Variants in ZNF423 observed in about 807,000 individuals in gnomAD.
ZNF423 encodes zinc finger protein 423, also known as Ebf-associated zinc finger protein.
In ZNF423, 12 loss-of-function variants were observed where a neutral mutation model predicts 95.8. The observed-to-expected ratio is 0.13, with a 90% CI of 0.08 to 0.20. The LOEUF is 0.20. Ranked by LOEUF, ZNF423 falls within the 10% of genes least tolerant of loss-of-function variation. The pLI, the probability that ZNF423 is intolerant of heterozygous loss-of-function variation, is 1.00. For synonymous variants in ZNF423, 749 were observed against 711.9 expected (o/e 1.05, Z -0.83); for missense variants, 1,316 against 1,737.1 (o/e 0.76, Z 4.31).
intron 7 of ZNF423, among the ~76,000 whole-genome samples, chr16:49,502,814 C>CACAA (rs1368999493): frequency 6.7e-6 from 1 of 148,736 alleles, no homozygotes; most frequent in African/African-American, 2.5e-5. Context: ...CACACACACA[C>CACAA]ACACCTGCCC....
intron 3 of ZNF423, among the ~76,000 whole-genome samples, chr16:49,662,754 C>T (rs1193929331): frequency 1.3e-5 from 2 of 152,210 alleles, no homozygotes; most frequent in East Asian, 1.9e-4. Flanking sequence ...GCAAACAAGG[C>T]AGCAGGCCAA....
chr16:49,759,454 A>G (rs1019656428), intron 2 of ZNF423, among the ~76,000 whole-genome samples: 10 of 152,162 alleles, frequency 6.6e-5, no homozygotes, highest in African/African-American at 2.4e-4. Context: ...ATGCAACCCA[A>G]GAGCCAGCGA....
chr16:49,688,941 C>T (rs753994537), intron 3 of ZNF423, among the ~76,000 whole-genome samples: 50 of 152,278 alleles, frequency 3.3e-4, no homozygotes, highest in Admixed American at 1.9e-3. Flanking sequence ...CAGATACTAG[C>T]AAGAGCCTAG....
chr16:49,679,622 G>A lies in ZNF423; in HGVS notation c.302-40748C>T, dbSNP rs992290363. Among the ~76,000 whole-genome samples the A allele has an allele frequency of 5.3e-5, 8 of 152,380 alleles. No homozygotes were observed. In the East Asian group the frequency reaches 1.3e-3, roughly 26 times the overall value. On this transcript the variant is annotated intron_variant, in intron 3 of 7. Transcript: ENST00000563137. ...ATGAGCATGGGAGGGACACCAAGAG[G>A]GAGCTAAGGGTGGCTCAGCGTGGGC...
chr16:49,835,045 T>C (rs535984004), intron 1 of ZNF423, among the ~76,000 whole-genome samples: 3 of 152,022 alleles, frequency 2.0e-5, no homozygotes, highest in East Asian at 3.9e-4. Context: ...AGTCTCAGAA[T>C]CACCTCCGGA....
chr16:49,578,304 C>A (rs779254314), intron 5 of ZNF423, among the ~76,000 whole-genome samples: 26 of 152,244 alleles, frequency 1.7e-4, no homozygotes, highest in Non-Finnish European at 3.2e-4. Flanking sequence ...ATCCCAGCCC[C>A]CTGGCTCCAG....
intron 3 of ZNF423, among the ~76,000 whole-genome samples, chr16:49,693,388 C>G (rs79396276): frequency 6.6e-6 from 1 of 152,182 alleles, no homozygotes; most frequent in East Asian, 1.9e-4. Context: ...AGGATGCATA[C>G]GTGGGATTAG....
chr16:49,732,000 C>T (rs1275581044), intron 2 of ZNF423, among the ~76,000 whole-genome samples: 1 of 152,160 alleles, frequency 6.6e-6, no homozygotes. Context: ...GTGCTGTGTT[C>T]CGTGCTTCTT....
At chr16:49,705,723 T>C (rs2032327019) in intron 3 of ZNF423, among the ~76,000 whole-genome samples, 1 of 152,130 alleles carries the variant, frequency 6.6e-6, no homozygotes, top group Non-Finnish European at 1.5e-5. Context: ...AATCTTTGTC[T>C]TTTTAGTAGA....
At chr16:49,807,170 G>A (rs2034677610) in intron 1 of ZNF423, among the ~76,000 whole-genome samples, 1 of 152,056 alleles carries the variant, frequency 6.6e-6, no homozygotes, top group South Asian at 2.1e-4. Flanking sequence ...GGTGGCTCAC[G>A]CCTGTAATTC....
chr16:49,623,280 C>A (rs532834283), intron 5 of ZNF423, among the ~76,000 whole-genome samples: 1 of 152,206 alleles, frequency 6.6e-6, no homozygotes, highest in Non-Finnish European at 1.5e-5. Context: ...CCAGCCAAGG[C>A]GCCTTCCCTC....
chr16:49,636,831 A>G lies in ZNF423; in HGVS notation c.2345T>C (p.Leu782Pro). 6.2e-7 allele frequency: 1 copy of G among 1,614,064 alleles called. No homozygotes were observed. The highest frequency in any genetic ancestry group is 8.5e-7 in the Non-Finnish European group (1 of 1,180,022). Residue 782 changes from leucine (L) to proline (P), a missense_variant, in exon 4 of 8, where the codon CTG becomes CCG. This residue lies in a region of ZNF423 where 620 missense variants were observed against 775.6 expected (regional missense o/e 0.80). Transcript: ENST00000563137. The surrounding 1 kb of genome is among the most constrained non-coding windows in gnomAD (Gnocchi z 8.6). ...CTTGTGAGCCTTGGCCGGGTTGCCC[A>G]GGTGGCTGTGTTTGACGTGCACCTG... Reference protein sequence around the residue: ...DLQVHVKHSHLGNPAKAHKCI... With the variant: ...DLQVHVKHSHPGNPAKAHKCI...
At chr16:49,653,537 C>T (rs974252066) in intron 3 of ZNF423, among the ~76,000 whole-genome samples, 8 of 152,094 alleles carry the variant, frequency 5.3e-5, no homozygotes, top group Non-Finnish European at 1.2e-4. Flanking sequence ...GCAGAAGTTA[C>T]AGCTAAGGTC....
chr16:49,747,942 G>T (rs190825147), intron 2 of ZNF423, among the ~76,000 whole-genome samples: 1 of 152,360 alleles, frequency 6.6e-6, no homozygotes, highest in East Asian at 1.9e-4. Flanking sequence ...GTTAGGGGAT[G>T]AGCTTGAATA....
At chr16:49,494,737 G>A (rs891179228) in intron 7 of ZNF423, among the ~76,000 whole-genome samples, 1 of 152,188 alleles carries the variant, frequency 6.6e-6, no homozygotes. Context: ...AGACTTACCA[G>A]TCGCCCAACA....
chr16:49,776,577 G>A (rs2034124740), intron 2 of ZNF423, among the ~76,000 whole-genome samples: 2 of 152,230 alleles, frequency 1.3e-5, no homozygotes, highest in African/African-American at 4.8e-5. Context: ...CCGACCCTGG[G>A]GACAGGCCTG....
At chr16:49,747,990 C>T (rs2033559318) in intron 2 of ZNF423, among the ~76,000 whole-genome samples, 1 of 152,236 alleles carries the variant, frequency 6.6e-6, no homozygotes, top group Non-Finnish European at 1.5e-5. Context: ...CACTTGTAGT[C>T]CCAGCTACTT....
intron 1 of ZNF423, among the ~76,000 whole-genome samples, chr16:49,832,539 G>T (rs974558843): frequency 6.6e-6 from 1 of 152,088 alleles, no homozygotes; most frequent in Non-Finnish European, 1.5e-5. Context: ...TCAAATAGGC[G>T]CTCCTCAAAT....
intron 3 of ZNF423, among the ~76,000 whole-genome samples, chr16:49,709,499 C>A (rs896651848): frequency 6.6e-6 from 1 of 152,116 alleles, no homozygotes; most frequent in Non-Finnish European, 1.5e-5. Flanking sequence ...ACCATGGTCC[C>A]CGCCCTCAAC....
Sources: allele counts gnomAD v4.1 joint callset (sites outside exome capture counted in the v4.1 genomes callset), GRCh38; gene constraint gnomAD v4.1.1; regional missense constraint gnomAD v4.1.1; non-coding constraint Gnocchi (gnomAD v3.1); transcripts MANE v1.5; gene names NCBI Gene and HGNC (gene_info 2026-07-23, HGNC 2026-07-21).